Variants in KCNIP4 observed in about 807,000 individuals in gnomAD.
The protein encoded by KCNIP4 is Kv channel-interacting protein 4.
A neutral mutation model predicts 34.0 loss-of-function variants in KCNIP4; 12 were observed. The observed-to-expected ratio is 0.35, with a 90% CI of 0.23 to 0.57. The LOEUF is 0.57. Among genes scored for constraint, KCNIP4 ranks in the 20% least tolerant of loss-of-function variants. The probability of loss-of-function intolerance (pLI) is 0.83; values close to 1 mark genes in which losing one functional copy is unlikely to be tolerated. For synonymous variants in KCNIP4, 124 were observed against 102.2 expected, an observed-to-expected ratio of 1.21 and a Z score of -1.29; for missense variants, 238 against 311.7, an observed-to-expected ratio of 0.76 and a Z score of 1.78.
At chr4:20,975,063 T>C (rs1248627967) in intron 1 of KCNIP4, among the ~76,000 whole-genome samples, 1 of 152,310 alleles carries the variant, frequency 6.6e-6, no homozygotes, top group African/African-American at 2.4e-5. Context: ...ATTTTACAAA[T>C]GAGAGAACTG....
chr4:20,850,516 A>C (rs1034437210), intron 3 of KCNIP4, 27 bp downstream of exon 3: 8 of 1,607,786 alleles, frequency 5.0e-6, no homozygotes, highest in Non-Finnish European at 6.8e-6. Context: ...AATTGTGTGA[A>C]GGTAAAGTCA....
chr4:21,826,497 T>C (rs1255981736), intron 1 of KCNIP4, among the ~76,000 whole-genome samples: 4 of 152,034 alleles, frequency 2.6e-5, no homozygotes, highest in Non-Finnish European at 5.9e-5. Context: ...ATAAAAAAAA[T>C]ACAGAACTAG....
intron 1 of KCNIP4, among the ~76,000 whole-genome samples, chr4:21,260,914 T>A: frequency 6.6e-6 from 1 of 152,214 alleles, no homozygotes; most frequent in East Asian, 1.9e-4. Context: ...ACACTGCTTC[T>A]ACTTCTTGGC....
intron 1 of KCNIP4, among the ~76,000 whole-genome samples, chr4:21,586,039 C>G (rs1450307640): frequency 6.6e-6 from 1 of 152,014 alleles, no homozygotes; most frequent in Non-Finnish European, 1.5e-5. Context: ...ATGTGTGACA[C>G]TATACTAAGC....
intron 1 of KCNIP4, among the ~76,000 whole-genome samples, chr4:21,605,141 A>T (rs1743540533): frequency 6.6e-6 from 1 of 152,188 alleles, no homozygotes; most frequent in African/African-American, 2.4e-5. Flanking sequence ...TCAGAAGCTA[A>T]GAGACCAAGG....
intron 1 of KCNIP4, among the ~76,000 whole-genome samples, chr4:21,370,462 TA>T (rs1388624067): frequency 6.9e-6 from 1 of 145,668 alleles, no homozygotes; most frequent in Non-Finnish European, 1.5e-5. Flanking sequence ...AAAGTAAAAT[TA>T]AAAACACATG....
chr4:21,401,796 C>T (rs1723583296), intron 1 of KCNIP4, among the ~76,000 whole-genome samples: 1 of 152,108 alleles, frequency 6.6e-6, no homozygotes, highest in African/African-American at 2.4e-5. Context: ...TGGGGCCTTT[C>T]TCAAGGGAGG....
chr4:21,772,461 C>G (rs2323105), intron 1 of KCNIP4, among the ~76,000 whole-genome samples: 22,594 of 152,052 alleles, frequency 0.15, 5,648 homozygotes, highest in African/African-American at 0.51. Flanking sequence ...GGAGGAGTCT[C>G]TCCTGTTCAA....
intron 1 of KCNIP4, among the ~76,000 whole-genome samples, chr4:21,896,138 G>C (rs1166296445): frequency 6.6e-6 from 1 of 152,130 alleles, no homozygotes; most frequent in East Asian, 1.9e-4. Flanking sequence ...CTATGCGACA[G>C]AGTTCATCAT....
intron 1 of KCNIP4, among the ~76,000 whole-genome samples, chr4:21,070,399 T>A (rs796745535): frequency 2.6e-5 from 4 of 151,782 alleles, no homozygotes; most frequent in Admixed American, 1.3e-4. Flanking sequence ...TTTTTTTTTT[T>A]AAAGTGTCCA....
chr4:21,357,868 A>G (rs1560324430), intron 1 of KCNIP4, among the ~76,000 whole-genome samples: 1 of 152,208 alleles, frequency 6.6e-6, no homozygotes, highest in African/African-American at 2.4e-5. Flanking sequence ...ACACATGCAC[A>G]TGTATGTTTA....
chr4:20,810,874 G>A (rs1715666012), intron 3 of KCNIP4, among the ~76,000 whole-genome samples: 1 of 152,126 alleles, frequency 6.6e-6, no homozygotes, highest in South Asian at 2.1e-4. Flanking sequence ...CTTAAATGCA[G>A]CTGATTTCTT....
At chr4:21,668,341 G>A (rs948475150) in intron 1 of KCNIP4, among the ~76,000 whole-genome samples, 2 of 151,700 alleles carry the variant, frequency 1.3e-5, no homozygotes, top group African/African-American at 2.4e-5. Flanking sequence ...CATATATCCC[G>A]GTTTTTTTTA....
At chr4:21,934,920 C>A (rs1467920907) in intron 1 of KCNIP4, among the ~76,000 whole-genome samples, 2 of 152,092 alleles carry the variant, frequency 1.3e-5, no homozygotes, top group African/African-American at 2.4e-5. Flanking sequence ...TCCTCTAGCA[C>A]CCCAAATATA....
intron 2 of KCNIP4, among the ~76,000 whole-genome samples, chr4:20,855,745 AT>A (rs1305671353): frequency 1.3e-5 from 2 of 152,132 alleles, no homozygotes; most frequent in Admixed American, 6.6e-5. Context: ...GAAAACAAAC[AT>A]TTGCTTTGTA....
intron 1 of KCNIP4, among the ~76,000 whole-genome samples, chr4:21,379,971 C>A: frequency 6.9e-6 from 1 of 145,472 alleles, no homozygotes; most frequent in Middle Eastern, 3.5e-3. Flanking sequence ...TGAGTATATT[C>A]AAATTGGAGA....
At chr4:21,110,613 G>T (rs1056688491) in intron 1 of KCNIP4, among the ~76,000 whole-genome samples, 1 of 152,118 alleles carries the variant, frequency 6.6e-6, no homozygotes, top group Admixed American at 6.5e-5. Context: ...CAACGTTTTT[G>T]TTGTTGTTGT....
At chr4:21,830,587 CCT>C (rs1329291447) in intron 1 of KCNIP4, among the ~76,000 whole-genome samples, 3 of 152,006 alleles carry the variant, frequency 2.0e-5, no homozygotes, top group African/African-American at 7.2e-5. Flanking sequence ...GGCTGGAGAA[CCT>C]CTTGAACCTG....
At chr4:21,762,349 T>C (rs1278261498) in intron 1 of KCNIP4, among the ~76,000 whole-genome samples, 1 of 152,196 alleles carries the variant, frequency 6.6e-6, no homozygotes. Context: ...TAGCCATATG[T>C]GGCTTGTGAC....
Sources: gnomAD v4.1 joint callset for allele counts (sites outside exome capture counted in the v4.1 genomes callset) on GRCh38, gnomAD v4.1.1 for gene constraint, MANE v1.5 for transcripts, NCBI Gene and HGNC (gene_info 2026-07-23, HGNC 2026-07-21) for gene names.